Variants in FAR2 observed in about 807,000 individuals in gnomAD.
FAR2 encodes epididymis secretory protein Li 81.
A neutral mutation model predicts 56.0 loss-of-function variants in FAR2; 19 were observed. The ratio of observed to expected loss-of-function variants is 0.34; its 90% CI spans 0.24 to 0.50. The LOEUF is 0.50. Among genes scored for constraint, FAR2 ranks in the 20% least tolerant of loss-of-function variants. The pLI is 0.98. For synonymous variants in FAR2, 219 were observed against 218.8 expected, an observed-to-expected ratio of 1.00 and a Z score of -0.01; for missense variants, 508 against 642.2, an observed-to-expected ratio of 0.79 and a Z score of 2.26.
intron 1 of FAR2, among the ~76,000 whole-genome samples, chr12:29,163,980 T>G (rs1284339513): frequency 1.3e-5 from 2 of 152,200 alleles, no homozygotes; most frequent in African/African-American, 4.8e-5. Flanking sequence ...ACAATTGCCC[T>G]TTGTAGGTCA....
At chr12:29,285,526 T>G (rs1313379905) in intron 2 of FAR2, among the ~76,000 whole-genome samples, 7 of 151,100 alleles carry the variant, frequency 4.6e-5, no homozygotes, top group African/African-American at 1.5e-4. Context: ...CCATTTACTT[T>G]AAGGAAGGAA....
rs1478724369 is a variant in FAR2 at position 29,293,651 on chromosome 12, C to T, written c.365+176C>T. 1.1e-5 allele frequency: 5 copies of T among 468,776 alleles called. No individual in the cohort carries two copies. In the Admixed American group the frequency reaches 2.2e-4, roughly 21 times the overall value. 29.0% of individuals were successfully genotyped at this position (468,776 alleles called of 1,614,324 possible). A position where few individuals can be genotyped will look rare whatever the true frequency, so the allele number is the denominator to read the frequency against. ...CATTTACTATTGTGGAGAATATTCA[C>T]TCCAATTTTTCTTTATGTATCTATG... On this transcript the variant is annotated intron_variant, in intron 3 of 11. Coordinates refer to ENST00000536681, the MANE Select transcript of FAR2 (RefSeq NM_001271783.2).
intron 1 of FAR2, among the ~76,000 whole-genome samples, chr12:29,213,297 A>AT (rs2136630796): frequency 6.6e-6 from 1 of 152,236 alleles, no homozygotes; most frequent in East Asian, 1.9e-4. Flanking sequence ...ACCTACACAA[A>AT]TTCACTGCAG....
intron 1 of FAR2, among the ~76,000 whole-genome samples, chr12:29,158,937 C>T (rs577479118): frequency 6.6e-6 from 1 of 152,298 alleles, no homozygotes; most frequent in Admixed American, 6.5e-5. Context: ...CATGACAATT[C>T]CATTCCATTC....
chr12:29,312,590 C>T (rs1425937771), intron 8 of FAR2, among the ~76,000 whole-genome samples: 2 of 152,126 alleles, frequency 1.3e-5, no homozygotes, highest in African/African-American at 2.4e-5. Context: ...ATTCTTGATG[C>T]TTGGTGAAAC....
At chr12:29,166,412 C>T (rs926302097) in intron 1 of FAR2, among the ~76,000 whole-genome samples, 2 of 152,168 alleles carry the variant, frequency 1.3e-5, no homozygotes, top group African/African-American at 4.8e-5. Flanking sequence ...CAAGTGTTGT[C>T]TTATCTTTCC....
intron 1 of FAR2, among the ~76,000 whole-genome samples, chr12:29,220,429 G>GCT (rs1947672432): frequency 6.6e-6 from 1 of 152,168 alleles, no homozygotes; most frequent in South Asian, 2.1e-4. Flanking sequence ...TGGAATTTGT[G>GCT]CTCTTAAATG....
At chr12:29,180,386 G>A (rs945828640) in intron 1 of FAR2, among the ~76,000 whole-genome samples, 1 of 152,062 alleles carries the variant, frequency 6.6e-6, no homozygotes, top group Non-Finnish European at 1.5e-5. Flanking sequence ...TGAGTTCTTT[G>A]CTTCTTCCAA....
chr12:29,324,082 C>T (rs1041542636), intron 10 of FAR2, among the ~76,000 whole-genome samples: 7 of 152,126 alleles, frequency 4.6e-5, no homozygotes, highest in Non-Finnish European at 8.8e-5. Flanking sequence ...AGCCAAGGCT[C>T]GAGAACTACG....
At chr12:29,310,922 C>A (rs1037563672) in intron 6 of FAR2, 106 bp from the exon 7 acceptor site, 1 of 814,468 alleles carries the variant, frequency 1.2e-6, no homozygotes, top group South Asian at 1.5e-5. Flanking sequence ...TCAATGTTAG[C>A]TGTTTTCACT....
intron 1 of FAR2, among the ~76,000 whole-genome samples, chr12:29,154,655 G>A (rs569445277): frequency 1.3e-5 from 2 of 152,034 alleles, no homozygotes; most frequent in Non-Finnish European, 2.9e-5. Context: ...GGATGGTCTC[G>A]ATCTCCTGAC....
intron 1 of FAR2, among the ~76,000 whole-genome samples, chr12:29,268,871 GT>G (rs1314669532): frequency 1.3e-5 from 2 of 152,092 alleles, no homozygotes; most frequent in Non-Finnish European, 2.9e-5. Context: ...AAACCAGCAA[GT>G]TTTTATTAGG....
At chr12:29,175,206 C>A (rs1341074276) in intron 1 of FAR2, among the ~76,000 whole-genome samples, 1 of 152,232 alleles carries the variant, frequency 6.6e-6, no homozygotes, top group Non-Finnish European at 1.5e-5. Flanking sequence ...ATTGCCCCAT[C>A]TGGGTCACCA....
intron 2 of FAR2, among the ~76,000 whole-genome samples, chr12:29,288,758 A>C (rs1948913578): frequency 6.6e-6 from 1 of 152,190 alleles, no homozygotes; most frequent in Admixed American, 6.5e-5. Flanking sequence ...CAGTCATACA[A>C]ACTTCAGGAA....
chr12:29,209,313 A>G (rs913785254), intron 1 of FAR2, among the ~76,000 whole-genome samples: 2 of 152,162 alleles, frequency 1.3e-5, no homozygotes, highest in African/African-American at 4.8e-5. Flanking sequence ...GTCTTCTCTC[A>G]CTATCTTCTT....
intron 1 of FAR2, among the ~76,000 whole-genome samples, chr12:29,217,044 C>T (rs1211369062): frequency 1.3e-5 from 2 of 152,134 alleles, no homozygotes; most frequent in East Asian, 3.9e-4. Context: ...AATATTTTGG[C>T]TCTTTAGTAT....
At chr12:29,200,447 A>T (rs917047174) in intron 1 of FAR2, among the ~76,000 whole-genome samples, 2 of 152,180 alleles carry the variant, frequency 1.3e-5, no homozygotes, top group Non-Finnish European at 2.9e-5. Context: ...GGTACATGGG[A>T]TCTGAAAGTA....
rs1161772550 is a variant in FAR2, at chr12:29,294,742, C to A, written c.365+1267C>A. On this transcript the variant is annotated intron_variant, in intron 3 of 11. Coordinates refer to ENST00000536681, the MANE Select transcript of FAR2 (RefSeq NM_001271783.2). Reference sequence around the variant, plus strand: ...TTATTTATGCAGTTATTTATAATTTCTCCTAGTATTTTTATGGTTTCATTT... The same window carrying A: ...TTATTTATGCAGTTATTTATAATTTATCCTAGTATTTTTATGGTTTCATTT... 2.6e-5 allele frequency among the ~76,000 whole-genome samples: 4 copies of A among 152,260 alleles called. No individual in the cohort carries two copies. The East Asian group carries it at 7.7e-4, about 29-fold the overall frequency.
In FAR2 at chr12:29,200,832, T is replaced by A. The variant is rs989487273; in HGVS notation, c.-39+51425T>A. Among the ~76,000 whole-genome samples, 12 of 152,248 alleles carry A rather than the reference T, an allele frequency of 7.9e-5. No individual in the cohort carries two copies. The East Asian group carries it at 1.5e-3, about 20-fold the overall frequency. On this transcript the variant is annotated intron_variant, in intron 1 of 11. Transcript: ENST00000536681. ...TCAATTACCCTCTAATGGTGTTGAC[T>A]CAAGCTTTTGTTAATTAATCTTACT... is the stretch of plus-strand genomic sequence containing the variant.
Sources: allele counts gnomAD v4.1 joint callset (sites outside exome capture counted in the v4.1 genomes callset), GRCh38; gene constraint gnomAD v4.1.1; transcripts MANE v1.5; gene names NCBI Gene and HGNC (gene_info 2026-07-23, HGNC 2026-07-21).